Variants in SNX19 observed in about 807,000 individuals in gnomAD.
SNX19 encodes sorting nexin 19.
A neutral mutation model predicts 85.2 loss-of-function variants in SNX19; 60 were observed. That is an observed-to-expected ratio of 0.70 (90% CI 0.57 to 0.87). The LOEUF is 0.87. SNX19 is among the 40% of genes least tolerant of loss of function. The pLI, the probability that SNX19 is intolerant of heterozygous loss-of-function variation, is 0.00. For missense variants in SNX19, 1,201 were observed against 1,217.8 expected (o/e 0.99, Z 0.21); for synonymous variants, 520 against 470.0 (o/e 1.11, Z -1.38).
In SNX19 at chr11:130,870,827, G is replaced by T. The variant is rs1414524920; in HGVS notation, c.*7595C>A. On this transcript the variant is annotated 3_prime_UTR_variant, in exon 11 of 11. Transcript: ENST00000265909. Reference sequence around the variant, plus strand: ...TGCACTAGGTATATACATATAGTTGGGGGGGGGGCATAAGGACATAATAGG... The same window carrying T: ...TGCACTAGGTATATACATATAGTTGTGGGGGGGGCATAAGGACATAATAGG... Among the ~76,000 whole-genome samples, 1 of 37,944 alleles carries T rather than the reference G, an allele frequency of 2.6e-5. No individual in the cohort carries two copies. Among genetic ancestry groups the T allele is most frequent in the Non-Finnish European group, 5.6e-5 (1 of 17,916 alleles). 24.9% of individuals were successfully genotyped at this position (37,944 alleles called of 152,430 possible). A position where few individuals can be genotyped will look rare whatever the true frequency, so the allele number is the denominator to read the frequency against.
chr11:130,870,086 A>G lies in SNX19; in HGVS notation c.*8336T>C, dbSNP rs906721117. On this transcript the variant is annotated 3_prime_UTR_variant, in exon 11 of 11. Coordinates refer to ENST00000265909, the MANE Select transcript of SNX19 (RefSeq NM_014758.3). The stretch of plus-strand genomic sequence containing the variant: ...GGGTGAGGCTCCCTGCTAGATGAAG[A>G]AAACTTCTATCACTTGGGAAAAATC... The G allele has an allele frequency of 2.0e-5, 3 of 152,206 alleles. No homozygotes were observed. The highest frequency in any genetic ancestry group is 4.4e-5 in the Non-Finnish European group (3 of 68,040). 9.4% of individuals were successfully genotyped at this position (152,206 alleles called of 1,614,324 possible).
Position 130,916,178 on chromosome 11 carries a change from C to T in SNX19, c.-239G>A, listed in dbSNP as rs1021290300. The T allele has an allele frequency of 1.1e-4, 62 of 554,026 alleles. 1 individual carries two copies. The highest frequency in any genetic ancestry group is 9.8e-4 in the Admixed American group (31 of 31,586). The allele number at this position is 554,026 out of a possible 1,614,324, so 34.3% of individuals were successfully genotyped here. A position where few individuals can be genotyped will look rare whatever the true frequency, so the allele number is the denominator to read the frequency against. The stretch of plus-strand genomic sequence containing the variant: ...CTCGCCCCTTCCAGCTGAGGTGTGG[C>T]TTTGGAGGAAAACTCTGTGGCCTTC... On this transcript the variant is annotated 5_prime_UTR_variant, in exon 1 of 11. Transcript: ENST00000265909.
intron 5 of SNX19, among the ~76,000 whole-genome samples, chr11:130,907,533 C>A (rs1945766413): frequency 6.6e-6 from 1 of 152,138 alleles, no homozygotes; most frequent in East Asian, 1.9e-4. Context: ...CCATTCTAAC[C>A]CTTTCCTCTT....
intron 8 of SNX19, 122 bp downstream of exon 8, chr11:130,903,133 A>G: frequency 7.1e-7 from 1 of 1,406,646 alleles, no homozygotes; most frequent in Non-Finnish European, 9.8e-7. Flanking sequence ...CATCCCTGTA[A>G]CCCCTGTAAC....
In SNX19 at chr11:130,911,755, T is replaced by C. The variant is rs749127592; in HGVS notation, c.1691A>G (p.Asp564Gly). ...LYTVKYETAL[D>G]GENSSGLQQL... Reference sequence around the variant, plus strand: ...CTGCAGGCCGCTGCTGTTTTCACCGTCAAGGGCTGTCTCGTACTGTTCAAC... The same window carrying C: ...CTGCAGGCCGCTGCTGTTTTCACCGCCAAGGGCTGTCTCGTACTGTTCAAC... The change falls in exon 2 of 11, where the codon GAC (aspartate) becomes GGC (glycine). Residue 564 changes from aspartate to glycine, a missense_variant. By Grantham distance (94) the Asp-to-Gly change is moderately conservative (BLOSUM62 -1). Coordinates refer to ENST00000265909, the MANE Select transcript of SNX19 (RefSeq NM_014758.3). 1 of 1,614,192 alleles carries C rather than the reference T, an allele frequency of 6.2e-7. No homozygotes were observed. The highest frequency in any genetic ancestry group is 1.7e-5 in the Admixed American group (1 of 60,024).
intron 7 of SNX19, among the ~76,000 whole-genome samples, chr11:130,904,641 A>C (rs983256693): frequency 6.8e-6 from 1 of 146,678 alleles, no homozygotes; most frequent in Non-Finnish European, 1.5e-5. Flanking sequence ...GCAGTGAAAA[A>C]TAAGAAAGCA....
chr11:130,910,027 T>C lies in SNX19; in HGVS notation c.2025A>G (p.Arg675=). 1 of 1,613,388 alleles carries C rather than the reference T, an allele frequency of 6.2e-7. No homozygotes were observed. The highest frequency in any genetic ancestry group is 2.2e-5 in the East Asian group (1 of 44,892). ...AFVKKPFMVS[R]IDKMVVSAIV... ...GTGGCCCTGCTGGTACCTTGTCTAT[T>C]CTAGAGACCATAAATGGTTTCTTGA... Residue 675 remains arginine (R), a synonymous_variant, in exon 4 of 11, where the codon AGA becomes AGG. Coordinates refer to ENST00000265909, the MANE Select transcript of SNX19 (RefSeq NM_014758.3).
At chr11:130,903,064 T>A in intron 8 of SNX19, 191 bp downstream of exon 8, 2 of 666,810 alleles carry the variant, frequency 3.0e-6, no homozygotes, top group South Asian at 4.2e-5. Context: ...AGTCTTACTT[T>A]CAAATTGTAG....
At position 130,873,695 on chromosome 11, in the gene SNX19, G is replaced by A. The variant is rs1172938163; in HGVS notation, c.*4727C>T. Reference sequence around the variant, plus strand: ...AACCTACCTTTAAGGGTTGATTTGTGGGTTAAATAAGTGAAGATATGTAAA... The same window carrying A: ...AACCTACCTTTAAGGGTTGATTTGTAGGTTAAATAAGTGAAGATATGTAAA... On this transcript the variant is annotated 3_prime_UTR_variant, in exon 11 of 11. Transcript: ENST00000265909. Among the ~76,000 whole-genome samples the A allele has an allele frequency of 1.3e-5, 2 of 152,118 alleles. No homozygotes were observed. Among genetic ancestry groups the A allele is most frequent in the Non-Finnish European group, 2.9e-5 (2 of 68,032 alleles).
Position 130,872,058 on chromosome 11 carries a change from GGT to G in SNX19, c.*6362_*6363del, listed in dbSNP as rs149971891. Among the ~76,000 whole-genome samples the G allele has an allele frequency of 0.01, 1,560 of 152,236 alleles. 17 individuals carry two copies. Among genetic ancestry groups the G allele is most frequent in the Non-Finnish European group, 0.014 (971 of 68,018 alleles). ...TCCTAAGCTTCCACATCCCAGAGATGGTGTGCTGGGGGCTTTCACGGAAGCGC... is the reference window on the plus strand; with the variant it reads ...TCCTAAGCTTCCACATCCCAGAGATGGTGCTGGGGGCTTTCACGGAAGCGC... On this transcript the variant is annotated 3_prime_UTR_variant, in exon 11 of 11. Transcript: ENST00000265909.
At chr11:130,909,218 A>G (rs1359345270) in intron 4 of SNX19, among the ~76,000 whole-genome samples, 2 of 152,198 alleles carry the variant, frequency 1.3e-5, no homozygotes, top group African/African-American at 2.4e-5. Flanking sequence ...TGGATGAATG[A>G]TATCTGCATG....
Position 130,916,024 on chromosome 11 carries a change from T to A in SNX19, c.-85A>T. 7.9e-7 allele frequency: 1 copy of A among 1,270,072 alleles called. No homozygotes were observed. Among genetic ancestry groups the A allele is most frequent in the Non-Finnish European group, 1.1e-6 (1 of 910,600 alleles). 78.7% of individuals were successfully genotyped at this position (1,270,072 alleles called of 1,614,324 possible). ...AGGGAAGGGGGGCATGAACTGTGTC[T>A]CAGATATGGGGCGATCTGGGTGCTG... On this transcript the variant is annotated 5_prime_UTR_variant, in exon 1 of 11. Transcript: ENST00000265909.
intron 8 of SNX19, among the ~76,000 whole-genome samples, chr11:130,896,866 T>A (rs7930661): frequency 1.6e-4 from 24 of 151,586 alleles, no homozygotes; most frequent in Admixed American, 1.6e-3. Context: ...ATAACCAATG[T>A]CACAAAGAAC....
At chr11:130,880,939 G>A (rs1943625745) in intron 8 of SNX19, 133 bp from the exon 9 acceptor site, 2 of 685,132 alleles carry the variant, frequency 2.9e-6, no homozygotes, top group Non-Finnish European at 4.6e-6. Context: ...GGCAGTAGGA[G>A]GTGGGGCCTT....
At chr11:130,914,029 C>T (rs1175773922) in intron 1 of SNX19, among the ~76,000 whole-genome samples, 1 of 152,200 alleles carries the variant, frequency 6.6e-6, no homozygotes. Flanking sequence ...TTGGGAACCA[C>T]TGAAAATATA....
chr11:130,878,592 A>G (rs761061886), intron 10 of SNX19, 38 bp from the exon 11 acceptor site: 14 of 1,601,768 alleles, frequency 8.7e-6, no homozygotes, highest in Non-Finnish European at 1.2e-5. Context: ...GTCTGGCTCA[A>G]TCAGGAAACA....
intron 10 of SNX19, 113 bp from the exon 11 acceptor site, chr11:130,878,667 T>A (rs1943425972): frequency 7.8e-7 from 1 of 1,275,336 alleles, no homozygotes; most frequent in Non-Finnish European, 1.1e-6. Flanking sequence ...CTTCAATAGC[T>A]TGATGAAACC....
rs1293470647 is a variant in SNX19 at position 130,875,758 on chromosome 11, G to C, written c.*2664C>G. ...TACCTAATGTAAATGACGAGTTAAC[G>C]GGTGCAGCACACCAACACGGCACAT... On this transcript the variant is annotated 3_prime_UTR_variant, in exon 11 of 11. Coordinates refer to ENST00000265909, the MANE Select transcript of SNX19 (RefSeq NM_014758.3). 2 of 152,110 alleles carry C rather than the reference G, an allele frequency of 1.3e-5. No homozygotes were observed. The highest frequency in any genetic ancestry group is 6.5e-5 in the Admixed American group (1 of 15,270). The allele number at this position is 152,110 out of a possible 1,614,324, so 9.4% of individuals were successfully genotyped here. A position where few individuals can be genotyped will look rare whatever the true frequency, so the allele number is the denominator to read the frequency against.
intron 7 of SNX19, among the ~76,000 whole-genome samples, chr11:130,904,042 C>A (rs367657931): frequency 2.0e-5 from 3 of 152,178 alleles, no homozygotes; most frequent in Admixed American, 2.0e-4. Context: ...CTAGGAAGAA[C>A]ACCACACCTC....
Sources: allele counts gnomAD v4.1 joint callset (sites outside exome capture counted in the v4.1 genomes callset), GRCh38; gene constraint gnomAD v4.1.1; transcripts MANE v1.5; gene names NCBI Gene and HGNC (gene_info 2026-07-23, HGNC 2026-07-21).